Variants in C22orf31 observed in about 807,000 individuals in gnomAD.
C22orf31 encodes the protein chromosome 22 open reading frame 31, also known as uncharacterized protein C22orf31.
Under a neutral mutation model 15.0 loss-of-function variants are expected in C22orf31, and 11 were observed. The observed-to-expected ratio is 0.73, with a 90% CI of 0.46 to 1.21. C22orf31 has a LOEUF of 1.21. Ranked by LOEUF, C22orf31 falls within the 50% of genes most tolerant of loss-of-function variation. The probability of loss-of-function intolerance (pLI) is 0.00; values close to 1 mark genes in which losing one functional copy is unlikely to be tolerated. For synonymous variants in C22orf31, 132 were observed against 133.3 expected (o/e 0.99, Z 0.07); for missense variants, 340 against 347.2 (o/e 0.98, Z 0.17).
chr22:29,060,496 C>A lies in C22orf31; in HGVS notation c.351G>T (p.Gln117His), dbSNP rs142026767. ...TGATGAAGTTTCTTTTCCTGGCCTG[C>A]TGGGTGGCTTTCATCACTGAATCGT... ...HKDDSVMKAT[Q>H]QARKRNFISS... Residue 117 changes from glutamine (Q) to histidine (H), a missense_variant, in exon 2 of 3, where the codon CAG becomes CAT. Physicochemically the swap from Gln to His is conservative, Grantham distance 24. Transcript: ENST00000216071. 6.2e-7 allele frequency: 1 copy of A among 1,614,086 alleles called. No individual in the cohort carries two copies. The highest frequency in any genetic ancestry group is 1.3e-5 in the African/African-American group (1 of 75,014).
chr22:29,070,264 TAAGTTTGGACA>T, the C22orf31 span, among the ~76,000 whole-genome samples: 1 of 152,310 alleles, frequency 6.6e-6, no homozygotes, highest in African/African-American at 2.4e-5. Flanking sequence ...AAATTCTTAA[TAAGTTTGGACA>T]AAGGACATAC....
At chr22:29,061,616 G>A (rs941213931) in intron 1 of C22orf31, among the ~76,000 whole-genome samples, 174 bp downstream of exon 1, 1 of 152,062 alleles carries the variant, frequency 6.6e-6, no homozygotes, top group African/African-American at 2.4e-5. Context: ...TCATTCACAG[G>A]GAAATCAATA....
chr22:29,061,847 T>C (rs147539051), upstream of C22orf31: 1,968 of 1,375,238 alleles, frequency 1.4e-3, 34 homozygotes, highest in African/African-American at 0.025. Context: ...AAGAAATATG[T>C]ATTTTCTCTT....
chr22:29,069,054 C>G, the C22orf31 span, among the ~76,000 whole-genome samples: 1 of 151,966 alleles, frequency 6.6e-6, no homozygotes, highest in Non-Finnish European at 1.5e-5. Flanking sequence ...GAGCCACCAC[C>G]CCTGGCCCAG....
chr22:29,068,301 G>A, the C22orf31 span, among the ~76,000 whole-genome samples: 1 of 151,750 alleles, frequency 6.6e-6, no homozygotes, highest in African/African-American at 2.4e-5. Context: ...TGTTGGCCAG[G>A]CTGGTCTCGA....
Position 29,060,855 on chromosome 22 carries a change from A to AG in C22orf31, c.4-13dup, listed in dbSNP as rs1180844002. ...ACATTGATTGGGTGCTAGAATTATA[A>AG]GGAGGGAGAAATGAATTTTAAAAGG... is the stretch of plus-strand genomic sequence containing the variant. On this transcript the variant is annotated splice_polypyrimidine_tract_variant and intron_variant, in intron 1 of 2. Transcript: ENST00000216071. The AG allele has an allele frequency of 3.4e-5, 54 of 1,599,616 alleles. No individual in the cohort carries two copies. Among genetic ancestry groups the AG allele is most frequent in the Non-Finnish European group, 4.5e-5 (53 of 1,171,212 alleles).
At chr22:29,060,034 T>TAA (rs1472620895) in intron 2 of C22orf31, 2 of 912,730 alleles carry the variant, frequency 2.2e-6, no homozygotes, top group African/African-American at 3.8e-5. Context: ...TTTTTTTTTT[T>TAA]TTTTTTTTTA....
At chr22:29,070,020 A>G in the C22orf31 span, among the ~76,000 whole-genome samples, 2 of 138,852 alleles carry the variant, frequency 1.4e-5, no homozygotes, top group Non-Finnish European at 3.0e-5. Context: ...ATCTTGGCTC[A>G]CTGCAACCTC....
chr22:29,068,759 C>CTTT, the C22orf31 span, among the ~76,000 whole-genome samples: 7 of 113,118 alleles, frequency 6.2e-5, no homozygotes, highest in East Asian at 3.1e-4. Flanking sequence ...CAACCTGGTA[C>CTTT]TTTTTTTTTT....
chr22:29,070,213 T>C, the C22orf31 span, among the ~76,000 whole-genome samples: 114,248 of 152,184 alleles, frequency 0.75, 43,489 homozygotes, highest in African/African-American at 0.87. Flanking sequence ...TCCCTAAATG[T>C]TGGGATTACA....
chr22:29,059,103 G>A lies in C22orf31; in HGVS notation c.512C>T (p.Thr171Ile). The change falls in exon 3 of 3, where the codon ACC (threonine) becomes ATC (isoleucine). Residue 171 changes from threonine (T) to isoleucine (I), a missense_variant. Transcript: ENST00000216071. ...EDRYAEHVAA[T>I]QALPQDSGTA... ...CCCACTGTCCTGGGGTAGCGCTTGG[G>A]TGGCAGCCACATGTTCAGCATATCT... The A allele has an allele frequency of 6.2e-7, 1 of 1,614,148 alleles. No homozygotes were observed.
upstream of C22orf31, among the ~76,000 whole-genome samples, chr22:29,063,081 T>C (rs2037406662): frequency 1.3e-5 from 2 of 152,042 alleles, no homozygotes; most frequent in African/African-American, 4.8e-5. Flanking sequence ...CTGTTTCTCT[T>C]TTCTCCTTCT....
At chr22:29,065,964 C>A (rs2037426493), upstream of C22orf31, among the ~76,000 whole-genome samples, 1 of 152,240 alleles carries the variant, frequency 6.6e-6, no homozygotes, top group Non-Finnish European at 1.5e-5. Context: ...ATCTAAACCA[C>A]CGCTTCTATT....
rs113775621 is a variant in C22orf31 at position 29,060,036 on chromosome 22, T to A, written c.432+379A>T. The A allele has an allele frequency of 1.1e-3, 945 of 895,144 alleles. 5 individuals carry two copies. The highest frequency in any genetic ancestry group is 9.7e-3 in the African/African-American group (481 of 49,400). 55.5% of individuals were successfully genotyped at this position (895,144 alleles called of 1,614,324 possible). A position where few individuals can be genotyped will look rare whatever the true frequency, so the allele number is the denominator to read the frequency against. On this transcript the variant is annotated intron_variant, in intron 2 of 2. Transcript: ENST00000216071. ...TTTTTCTTTTCTTTTTTTTTTTTTT[T>A]TTTTTTTATTTTTTAGACAGGGTCT...
At chr22:29,072,827 G>T in the C22orf31 span, among the ~76,000 whole-genome samples, 1 of 152,120 alleles carries the variant, frequency 6.6e-6, no homozygotes, top group East Asian at 1.9e-4. Flanking sequence ...GGGCCCTGCT[G>T]GGCCGGCCCA....
the C22orf31 span, among the ~76,000 whole-genome samples, chr22:29,067,276 G>A: frequency 1.3e-5 from 2 of 151,192 alleles, no homozygotes; most frequent in African/African-American, 4.8e-5. Context: ...TTGATTACTG[G>A]ATTTTTTATT....
At chr22:29,064,451 C>T (rs12152183), upstream of C22orf31, among the ~76,000 whole-genome samples, 1 of 152,180 alleles carries the variant, frequency 6.6e-6, no homozygotes, top group African/African-American at 2.4e-5. Flanking sequence ...GACAATGCAT[C>T]TGAAATACTT....
chr22:29,072,002 G>C, the C22orf31 span, among the ~76,000 whole-genome samples: 3 of 152,180 alleles, frequency 2.0e-5, no homozygotes, highest in African/African-American at 7.2e-5. Context: ...AGTTGCCCTG[G>C]TTGAAACTGG....
chr22:29,065,327 A>T (rs2037422094), upstream of C22orf31, among the ~76,000 whole-genome samples: 1 of 152,080 alleles, frequency 6.6e-6, no homozygotes, highest in South Asian at 2.1e-4. Flanking sequence ...TAATCCCAGC[A>T]CTTTGGGAGG....
Sources: allele counts gnomAD v4.1 joint callset (sites outside exome capture counted in the v4.1 genomes callset), GRCh38; gene constraint gnomAD v4.1.1; transcripts MANE v1.5; gene names NCBI Gene and HGNC (gene_info 2026-07-23, HGNC 2026-07-21).